LAIR2: variants seen among roughly 807,000 people sequenced by gnomAD.
LAIR2 encodes leukocyte associated immunoglobulin like receptor 2, also known as leukocyte-associated immunoglobulin-like receptor 2.
LAIR2 carries 14 observed loss-of-function variants against 14.8 expected under a neutral mutation model. The ratio of observed to expected loss-of-function variants is 0.95; its 90% CI spans 0.62 to 1.48. The LOEUF (loss-of-function observed/expected upper bound fraction) is 1.48. LAIR2 is among the 40% of genes most tolerant of loss of function. The pLI is 0.00. For synonymous variants in LAIR2, 75 were observed against 74.5 expected (o/e 1.01, Z -0.03); for missense variants, 172 against 180.9 (o/e 0.95, Z 0.28).
At chr19:54,507,744 G>T (rs113776160) in intron 2 of LAIR2, 147 bp from the exon 3 acceptor site, 66,374 of 711,166 alleles carry the variant, frequency 0.093, 3,334 homozygotes, top group African/African-American at 0.13. Context: ...TGCAGGAGGC[G>T]TGGGAATGTT....
chr19:54,507,852 T>G, intron 2 of LAIR2, 39 bp from the exon 3 acceptor site: 1 of 1,585,432 alleles, frequency 6.3e-7, no homozygotes, highest in African/African-American at 1.3e-5. Flanking sequence ...GGTGACTTCC[T>G]ACAGTGGACG....
intron 1 of LAIR2, among the ~76,000 whole-genome samples, chr19:54,503,358 T>C (rs1157722612): frequency 3.9e-5 from 6 of 152,072 alleles, no homozygotes; most frequent in African/African-American, 1.4e-4. Flanking sequence ...CTCGGGAGGC[T>C]GAGGCAGGAG....
intron 4 of LAIR2, among the ~76,000 whole-genome samples, chr19:54,509,679 A>G (rs1360306604): frequency 2.7e-5 from 4 of 148,474 alleles, no homozygotes; most frequent in Admixed American, 1.4e-4. Context: ...CAGGGAGGGG[A>G]CGTAGCTGTG....
In LAIR2 at chr19:54,510,684, G is replaced by C. The variant is rs1316487756; in HGVS notation, c.*115G>C. Reference sequence around the variant, plus strand: ...ATATACAAATAAAAAGATACGATTCGCAATGGAGAATTTCAGACCTATCAT... The same window carrying C: ...ATATACAAATAAAAAGATACGATTCCCAATGGAGAATTTCAGACCTATCAT... On this transcript the variant is annotated 3_prime_UTR_variant, in exon 5 of 5. Coordinates refer to ENST00000301202, the MANE Select transcript of LAIR2 (RefSeq NM_002288.6). 4 of 1,231,802 alleles carry C rather than the reference G, an allele frequency of 3.2e-6. No individual in the cohort carries two copies. The highest frequency in any genetic ancestry group is 3.6e-6 in the Non-Finnish European group (3 of 844,320). The allele number at this position is 1,231,802 out of a possible 1,614,324, so 76.3% of individuals were successfully genotyped here.
chr19:54,510,113 C>T (rs1181580748), intron 4 of LAIR2, among the ~76,000 whole-genome samples: 1 of 145,264 alleles, frequency 6.9e-6, no homozygotes, highest in Non-Finnish European at 1.5e-5. Context: ...TCCTGAGTCC[C>T]GCAGACCTGG....
intron 2 of LAIR2, among the ~76,000 whole-genome samples, chr19:54,503,955 T>C (rs559062511): frequency 1.4e-4 from 21 of 152,164 alleles, no homozygotes; most frequent in Middle Eastern, 3.4e-3. Flanking sequence ...AAATCCTATA[T>C]TTTATTTTAT....
In LAIR2 at chr19:54,506,090, A is replaced by G. The variant is rs1372431781; in HGVS notation, c.71-1801A>G. On this transcript the variant is annotated intron_variant, in intron 2 of 4. Transcript: ENST00000301202. ...GCCGCCCACCTCGGCCTCCCAAAGTACTGGGATTACAGGTGTGAGACACCG... is the reference window on the plus strand; with the variant it reads ...GCCGCCCACCTCGGCCTCCCAAAGTGCTGGGATTACAGGTGTGAGACACCG... Among the ~76,000 whole-genome samples, 6 of 152,090 alleles carry G rather than the reference A, an allele frequency of 3.9e-5. No homozygotes were observed. In the South Asian group the frequency reaches 1.3e-3, roughly 32 times the overall value.
Position 54,510,567 on chromosome 19 carries a change from T to G in LAIR2, c.457T>G (p.Ter153GlyextTer?). 3.1e-6 allele frequency: 5 copies of G among 1,603,442 alleles called. No individual in the cohort carries two copies. Among genetic ancestry groups the G allele is most frequent in the African/African-American group, 1.3e-5 (1 of 74,966 alleles). ...TGAAGCCTCCGGATTTGATGCACCA[T>G]GAATGAGGAGAAATGGCCTCCCGTC... Reference protein sequence around the residue: ...GTEASGFDAP* With the variant: ...GTEASGFDAPG The change falls in exon 5 of 5, where the codon TGA (stop) becomes GGA (glycine). Residue 153 changes from the stop codon to glycine, a stop_lost. Coordinates refer to ENST00000301202, the MANE Select transcript of LAIR2 (RefSeq NM_002288.6).
chr19:54,504,251 A>G (rs1372717001), intron 2 of LAIR2, among the ~76,000 whole-genome samples: 2 of 152,052 alleles, frequency 1.3e-5, no homozygotes, highest in Admixed American at 1.3e-4. Flanking sequence ...GGCATGAGCC[A>G]CTGTGCCCAG....
At chr19:54,504,623 G>C (rs575402260) in intron 2 of LAIR2, among the ~76,000 whole-genome samples, 1 of 151,684 alleles carries the variant, frequency 6.6e-6, no homozygotes, top group Non-Finnish European at 1.5e-5. Flanking sequence ...TTGTTTGTTT[G>C]TTTTGGGATG....
chr19:54,505,856 T>C (rs1481965351), intron 2 of LAIR2, among the ~76,000 whole-genome samples: 3 of 151,200 alleles, frequency 2.0e-5, no homozygotes, highest in Non-Finnish European at 2.9e-5. Context: ...TGTTTCATTC[T>C]TGTTGCCCAG....
chr19:54,508,553 T>C (rs2085411229), intron 3 of LAIR2, among the ~76,000 whole-genome samples: 1 of 152,194 alleles, frequency 6.6e-6, no homozygotes, highest in South Asian at 2.1e-4. Context: ...CCATTTGTTA[T>C]TCCTTTCCAC....
At position 54,503,623 on chromosome 19, in the gene LAIR2, G is replaced by A. The variant is rs551578449; in HGVS notation, c.35-77G>A. ...GAAATGCTGAATGCCCCCCAGCTCCGTCAAGCCCCCTTTTGACAGCAGCCC... is the reference window on the plus strand; with the variant it reads ...GAAATGCTGAATGCCCCCCAGCTCCATCAAGCCCCCTTTTGACAGCAGCCC... On this transcript the variant is annotated intron_variant, in intron 1 of 4. Transcript: ENST00000301202. The A allele has an allele frequency of 1.1e-4, 180 of 1,597,794 alleles. 1 individual carries two copies. The Admixed American group carries it at 1.6e-3, about 14-fold the overall frequency.
intron 2 of LAIR2, among the ~76,000 whole-genome samples, chr19:54,507,372 G>A (rs546866612): frequency 1.7e-4 from 26 of 151,846 alleles, no homozygotes; most frequent in Non-Finnish European, 3.1e-4. Flanking sequence ...TCAGGGCTGG[G>A]GGCTTCACCC....
In LAIR2 at chr19:54,507,474, C is replaced by A. The variant is rs114501113; in HGVS notation, c.71-417C>A. Reference sequence around the variant, plus strand: ...GGCCAGTGCCCTTCAGGCCCCAGCACGAGCCATCTCCAGAGCCCTCGCTTC... The same window carrying A: ...GGCCAGTGCCCTTCAGGCCCCAGCAAGAGCCATCTCCAGAGCCCTCGCTTC... On this transcript the variant is annotated intron_variant, in intron 2 of 4. Transcript: ENST00000301202. Among the ~76,000 whole-genome samples, 576 of 152,294 alleles carry A rather than the reference C, an allele frequency of 3.8e-3. 6 individuals carry two copies. The highest frequency in any genetic ancestry group is 0.012 in the African/African-American group (516 of 41,586).
intron 2 of LAIR2, among the ~76,000 whole-genome samples, chr19:54,504,354 A>G (rs974888906): frequency 6.6e-6 from 1 of 152,184 alleles, no homozygotes; most frequent in Non-Finnish European, 1.5e-5. Flanking sequence ...GGAAAGATTA[A>G]ATAAGGCTAA....
At chr19:54,508,607 T>C (rs1023084245) in intron 3 of LAIR2, among the ~76,000 whole-genome samples, 1 of 152,240 alleles carries the variant, frequency 6.6e-6, no homozygotes, top group Non-Finnish European at 1.5e-5. Context: ...CCTGGTGTGG[T>C]TCATCTCCCA....
chr19:54,510,121 T>G (rs2085442920), intron 4 of LAIR2, among the ~76,000 whole-genome samples: 1 of 145,548 alleles, frequency 6.9e-6, no homozygotes, highest in Non-Finnish European at 1.5e-5. Flanking sequence ...CCCGCAGACC[T>G]GGTTCAAGTC....
intron 2 of LAIR2, among the ~76,000 whole-genome samples, chr19:54,505,730 G>A (rs1381142668): frequency 2.0e-5 from 3 of 151,898 alleles, no homozygotes; most frequent in Non-Finnish European, 4.4e-5. Flanking sequence ...CCTGTGACCT[G>A]GGGCTCACTC....
Sources: allele counts gnomAD v4.1 joint callset (sites outside exome capture counted in the v4.1 genomes callset), GRCh38; gene constraint gnomAD v4.1.1; transcripts MANE v1.5; gene names NCBI Gene and HGNC (gene_info 2026-07-23, HGNC 2026-07-21).